Variants in ATP2B2 observed in about 807,000 individuals in gnomAD.
The protein encoded by ATP2B2 is plasma membrane calcium-transporting ATPase 2.
Under a neutral mutation model 120.0 loss-of-function variants are expected in ATP2B2, and 15 were observed. That is an observed-to-expected ratio of 0.12 (90% confidence interval 0.08 to 0.19). The LOEUF is 0.19. ATP2B2 is among the 10% of genes least tolerant of loss of function. The pLI is 1.00. For missense variants in ATP2B2, 1,045 were observed against 1,719.8 expected, an observed-to-expected ratio of 0.61 and a Z score of 6.94; for synonymous variants, 694 against 700.3, an observed-to-expected ratio of 0.99 and a Z score of 0.14.
At chr3:10,496,139 G>A (rs993576252) in intron 1 of ATP2B2, among the ~76,000 whole-genome samples, 1 of 152,254 alleles carries the variant, frequency 6.6e-6, no homozygotes, top group Non-Finnish European at 1.5e-5. Flanking sequence ...AGTCATGTAA[G>A]TTGATAAATT....
intron 2 of ATP2B2, among the ~76,000 whole-genome samples, chr3:10,602,289 C>T (rs993083278): frequency 1.1e-4 from 16 of 152,238 alleles, no homozygotes; most frequent in African/African-American, 3.4e-4. Flanking sequence ...GCTCACATCC[C>T]GGGACTTTCC....
intron 1 of ATP2B2, among the ~76,000 whole-genome samples, chr3:10,676,213 C>T (rs1335852024): frequency 6.6e-6 from 1 of 152,116 alleles, no homozygotes; most frequent in Non-Finnish European, 1.5e-5. Context: ...AGGATAAAAG[C>T]AGGACCCCAG....
chr3:10,367,013 C>T lies in ATP2B2; in HGVS notation c.1659+4796G>A, dbSNP rs188332768. ...AGGGTGGGGCTGGGCCCCTGAGAGG[C>T]CTCCCAGCCTGCAGCCTCAGCCCTC... On this transcript the variant is annotated intron_variant, in intron 12 of 22. Coordinates refer to ENST00000360273, the MANE Select transcript of ATP2B2 (RefSeq NM_001001331.4). Among the ~76,000 whole-genome samples the T allele has an allele frequency of 5.2e-3, 791 of 152,352 alleles. 17 individuals carry two copies. The highest frequency in any genetic ancestry group is 4.8e-3 in the South Asian group (23 of 4,834).
chr3:10,432,336 C>A (rs2063342305), intron 2 of ATP2B2, among the ~76,000 whole-genome samples: 1 of 152,256 alleles, frequency 6.6e-6, no homozygotes, highest in Non-Finnish European at 1.5e-5. Context: ...CAGCCTCCCA[C>A]ATTGAGGCTG....
chr3:10,562,434 G>A (rs1484627731), intron 2 of ATP2B2, among the ~76,000 whole-genome samples: 2 of 152,078 alleles, frequency 1.3e-5, no homozygotes, highest in Non-Finnish European at 2.9e-5. Context: ...CCAGGGGTGG[G>A]GCTTCTGCCT....
At chr3:10,660,012 A>C (rs2125678155) in intron 1 of ATP2B2, among the ~76,000 whole-genome samples, 1 of 152,374 alleles carries the variant, frequency 6.6e-6, no homozygotes, top group Admixed American at 6.5e-5. Context: ...ATACATAACG[A>C]AATGAAGGCA....
chr3:10,408,280 C>T (rs2062486713), intron 3 of ATP2B2, among the ~76,000 whole-genome samples: 1 of 152,200 alleles, frequency 6.6e-6, no homozygotes, highest in Non-Finnish European at 1.5e-5. Flanking sequence ...AAGAAGGCCA[C>T]ATAACTGTCC....
At chr3:10,573,602 C>T (rs1343455157) in intron 2 of ATP2B2, among the ~76,000 whole-genome samples, 1 of 152,146 alleles carries the variant, frequency 6.6e-6, no homozygotes, top group African/African-American at 2.4e-5. Flanking sequence ...AGGCCTGGGA[C>T]TCTGTATTGT....
chr3:10,614,705 G>T (rs554331967), intron 2 of ATP2B2, among the ~76,000 whole-genome samples: 1 of 152,170 alleles, frequency 6.6e-6, no homozygotes, highest in Admixed American at 6.5e-5. Context: ...TCCCAGAGTG[G>T]CTGTGAGGGT....
At chr3:10,607,486 A>G (rs1302985042) in intron 2 of ATP2B2, among the ~76,000 whole-genome samples, 1 of 152,176 alleles carries the variant, frequency 6.6e-6, no homozygotes, top group African/African-American at 2.4e-5. Flanking sequence ...GCAGTGCCCC[A>G]TTAGCCATCC....
At position 10,475,032 on chromosome 3, in the gene ATP2B2, A is replaced by G. The variant is rs544388888; in HGVS notation, c.-319-25170T>C. On this transcript the variant is annotated intron_variant, in intron 1 of 22. Coordinates refer to ENST00000360273, the MANE Select transcript of ATP2B2 (RefSeq NM_001001331.4). The stretch of plus-strand genomic sequence containing the variant: ...TGGGCTGAGAATGTCCGAATTAACC[A>G]CTTCCAGTTTCAGCCTGGGCTTCTG... Among the ~76,000 whole-genome samples, 83 of 152,218 alleles carry G rather than the reference A, an allele frequency of 5.5e-4. 2 individuals are homozygous for G. In the South Asian group the frequency reaches 0.017, roughly 31 times the overall value.
At chr3:10,515,420 C>A (rs1575446808) in intron 3 of ATP2B2, among the ~76,000 whole-genome samples, 1 of 152,174 alleles carries the variant, frequency 6.6e-6, no homozygotes, top group African/African-American at 2.4e-5. Flanking sequence ...TCGTTCATTT[C>A]TTCAGCATTA....
intron 1 of ATP2B2, among the ~76,000 whole-genome samples, chr3:10,684,101 T>C (rs2071458537): frequency 2.0e-5 from 3 of 152,084 alleles, no homozygotes; most frequent in Admixed American, 1.3e-4. Flanking sequence ...TCAAATCTCA[T>C]GGGTGGGCAA....
At chr3:10,597,161 A>C (rs1375641749) in intron 2 of ATP2B2, among the ~76,000 whole-genome samples, 1 of 150,918 alleles carries the variant, frequency 6.6e-6, no homozygotes, top group Non-Finnish European at 1.5e-5. Flanking sequence ...ACATACACAC[A>C]GGCACGCACA....
chr3:10,660,640 C>G (rs959271394), intron 1 of ATP2B2, among the ~76,000 whole-genome samples: 1 of 152,122 alleles, frequency 6.6e-6, no homozygotes, highest in South Asian at 2.1e-4. Context: ...CAGGACCAGA[C>G]GGATTCACAG....
At chr3:10,391,081 T>C (rs909816524) in intron 5 of ATP2B2, among the ~76,000 whole-genome samples, 1 of 152,146 alleles carries the variant, frequency 6.6e-6, no homozygotes, top group Non-Finnish European at 1.5e-5. Context: ...GCTGCATTCA[T>C]AGGGCACAGA....
intron 10 of ATP2B2, among the ~76,000 whole-genome samples, chr3:10,377,272 C>T (rs779249148): frequency 6.6e-6 from 1 of 152,196 alleles, no homozygotes; most frequent in Admixed American, 6.5e-5. Context: ...TCCACCCCCA[C>T]CTCCAGCTGC....
chr3:10,336,524 G>A (rs934366099), intron 22 of ATP2B2, among the ~76,000 whole-genome samples: 3 of 152,314 alleles, frequency 2.0e-5, no homozygotes, highest in Middle Eastern at 3.4e-3. Context: ...CAGGGGGTCC[G>A]GCCTTTGTCC....
At chr3:10,490,714 A>T (rs1203921765) in intron 1 of ATP2B2, among the ~76,000 whole-genome samples, 1 of 152,126 alleles carries the variant, frequency 6.6e-6, no homozygotes, top group African/African-American at 2.4e-5. Context: ...CAGCATTCTT[A>T]TCCAGAAAAT....
Sources: gnomAD v4.1 joint callset for allele counts (sites outside exome capture counted in the v4.1 genomes callset) on GRCh38, gnomAD v4.1.1 for gene constraint, MANE v1.5 for transcripts, NCBI Gene and HGNC (gene_info 2026-07-23, HGNC 2026-07-21) for gene names.